Variants in BTC observed in about 807,000 individuals in gnomAD.
BTC encodes betacellulin.
A neutral mutation model predicts 18.1 loss-of-function variants in BTC; 13 were observed. That is an observed-to-expected ratio of 0.72 (90% CI 0.47 to 1.14). The LOEUF (loss-of-function observed/expected upper bound fraction) is 1.14, where lower values mean the gene tolerates loss of function less well. Among genes scored for constraint, BTC ranks in the 50% most tolerant of loss-of-function variants. BTC has a pLI of 0.00. For missense variants in BTC, 247 were observed against 224.2 expected (o/e 1.10, Z -0.65); for synonymous variants, 83 against 79.4 (o/e 1.05, Z -0.24).
At chr4:74,759,613 G>A (rs1724697203) in intron 2 of BTC, among the ~76,000 whole-genome samples, 1 of 137,020 alleles carries the variant, frequency 7.3e-6, no homozygotes, top group Admixed American at 7.1e-5. Flanking sequence ...TGGAGATAAA[G>A]TATAAATAAA....
chr4:74,773,968 A>T (rs1404289229), intron 1 of BTC, among the ~76,000 whole-genome samples: 1 of 147,640 alleles, frequency 6.8e-6, no homozygotes, highest in Non-Finnish European at 1.5e-5. Flanking sequence ...GATAATGCAG[A>T]AGTAATAGGA....
intron 1 of BTC, among the ~76,000 whole-genome samples, chr4:74,780,661 C>T (rs1170196754): frequency 6.6e-6 from 1 of 152,106 alleles, no homozygotes; most frequent in Non-Finnish European, 1.5e-5. Context: ...GTCCGTCATC[C>T]TTATTTTAAT....
chr4:74,766,069 ACAG>A (rs1295343764), intron 2 of BTC, among the ~76,000 whole-genome samples: 2 of 152,132 alleles, frequency 1.3e-5, no homozygotes, highest in Admixed American at 6.6e-5. Context: ...TAGAAAAAGT[ACAG>A]TAAAAATATG....
Position 74,750,638 on chromosome 4 carries a change from C to A in BTC, c.363G>T (p.Val121=), listed in dbSNP as rs201078718. 123 of 1,613,950 alleles carry A rather than the reference C, an allele frequency of 7.6e-5. No individual in the cohort carries two copies. The highest frequency in any genetic ancestry group is 9.9e-5 in the Non-Finnish European group (117 of 1,179,944). ...YLRGDRGQIL[V]ICLIAVMVVF... is the part of the protein sequence containing the mutation. ...CTACCATAACTGCTATCAAACAAAT[C>A]ACCAGAATCTGTCCTCTGTCTCCTC... Residue 121 remains valine, a synonymous_variant, in exon 4 of 6, where the codon GTG becomes GTT. Transcript: ENST00000395743.
rs368061851 is a variant in BTC at position 74,778,081 on chromosome 4, T to C, written c.65-7925A>G. Reference sequence around the variant, plus strand: ...AAAATAATGTTTAACACTGAGTTTGTGGTTAGCTGAGATGAAAACTGTGAA... The same window carrying C: ...AAAATAATGTTTAACACTGAGTTTGCGGTTAGCTGAGATGAAAACTGTGAA... On this transcript the variant is annotated intron_variant, in intron 1 of 5. Coordinates refer to ENST00000395743, the MANE Select transcript of BTC (RefSeq NM_001729.4). Among the ~76,000 whole-genome samples, 497 of 152,244 alleles carry C rather than the reference T, an allele frequency of 3.3e-3. 2 individuals carry two copies. The highest frequency in any genetic ancestry group is 0.011 in the African/African-American group (466 of 41,552).
chr4:74,750,828 C>T, intron 3 of BTC, 109 bp from the exon 4 acceptor site: 1 of 1,413,500 alleles, frequency 7.1e-7, no homozygotes, highest in South Asian at 1.3e-5. Context: ...TAATAAAGAA[C>T]ACAGTTCCCT....
At position 74,782,444 on chromosome 4, in the gene BTC, A is replaced by G. The variant is rs561185923; in HGVS notation, c.64+11818T>C. On this transcript the variant is annotated intron_variant, in intron 1 of 5. Transcript: ENST00000395743. ...CAAAGACATGATCTCATTCCTTTTT[A>G]TGGTTGCATAGTATTCCGTGTTGTA... Among the ~76,000 whole-genome samples, 4 of 152,082 alleles carry G rather than the reference A, an allele frequency of 2.6e-5. No individual in the cohort carries two copies. The East Asian group carries it at 5.8e-4, about 22-fold the overall frequency.
chr4:74,779,706 CA>C (rs1454527914), intron 1 of BTC, among the ~76,000 whole-genome samples: 3 of 152,150 alleles, frequency 2.0e-5, no homozygotes, highest in Admixed American at 6.5e-5. Flanking sequence ...AAACAGTCAT[CA>C]AACTTTAATA....
intron 1 of BTC, among the ~76,000 whole-genome samples, chr4:74,770,484 T>C (rs1358964058): frequency 6.6e-6 from 1 of 152,182 alleles, no homozygotes; most frequent in Non-Finnish European, 1.5e-5. Flanking sequence ...AAACTACTGA[T>C]GAATTTCCAG....
At chr4:74,756,100 C>T (rs1276534176) in intron 2 of BTC, 124 bp from the exon 3 acceptor site, 1 of 905,484 alleles carries the variant, frequency 1.1e-6, no homozygotes, top group South Asian at 1.4e-5. Flanking sequence ...ATTTTTCTTT[C>T]TCTCTGCACT....
chr4:74,753,655 T>C (rs1724520826), intron 3 of BTC, among the ~76,000 whole-genome samples: 1 of 152,144 alleles, frequency 6.6e-6, no homozygotes, highest in South Asian at 2.1e-4. Flanking sequence ...TTATCACCAA[T>C]GGCAAGAGAG....
chr4:74,747,209 T>C (rs1263117018), intron 5 of BTC, among the ~76,000 whole-genome samples: 1 of 152,210 alleles, frequency 6.6e-6, no homozygotes, highest in Non-Finnish European at 1.5e-5. Flanking sequence ...ATGTGCCTTC[T>C]TGGAGCCTTT....
chr4:74,775,313 T>G (rs1725148041), intron 1 of BTC, among the ~76,000 whole-genome samples: 1 of 151,950 alleles, frequency 6.6e-6, no homozygotes, highest in South Asian at 2.1e-4. Context: ...ATTCTGAAAA[T>G]CCAGTGAAAT....
At chr4:74,778,875 A>C (rs528944349) in intron 1 of BTC, among the ~76,000 whole-genome samples, 1 of 152,280 alleles carries the variant, frequency 6.6e-6, no homozygotes, top group South Asian at 2.1e-4. Context: ...GTGTCCCAAC[A>C]CAGTGAGCAA....
intron 1 of BTC, among the ~76,000 whole-genome samples, chr4:74,787,072 C>T (rs764092889): frequency 4.6e-5 from 7 of 151,654 alleles, no homozygotes; most frequent in Non-Finnish European, 8.8e-5. Context: ...ATTTTGAGGT[C>T]CTACTATGTG....
intron 1 of BTC, among the ~76,000 whole-genome samples, chr4:74,782,667 G>C (rs1275584218): frequency 2.6e-5 from 4 of 152,056 alleles, no homozygotes; most frequent in Non-Finnish European, 5.9e-5. Context: ...GTCTTTGAGG[G>C]ATAGCCACAC....
chr4:74,790,578 C>T (rs535251957), intron 1 of BTC, among the ~76,000 whole-genome samples: 8 of 152,240 alleles, frequency 5.3e-5, no homozygotes, highest in South Asian at 2.1e-4. Context: ...GACTATGAAG[C>T]GATGTCACCC....
intron 2 of BTC, among the ~76,000 whole-genome samples, chr4:74,762,268 A>G (rs1328153905): frequency 1.3e-5 from 2 of 152,202 alleles, no homozygotes; most frequent in African/African-American, 4.8e-5. Context: ...TAGGTTGGTG[A>G]TTAACAACAC....
chr4:74,755,961 G>A lies in BTC; in HGVS notation c.179C>T (p.Ser60Leu), dbSNP rs1553956669. Residue 60 changes from serine (S) to leucine (L), a missense_variant, in exon 3 of 6, where the codon TCA (serine) becomes TTA (leucine). Transcript: ENST00000395743. Reference protein sequence around the residue: ...EENCAATTTQSKRKGHFSRCP... With the variant: ...EENCAATTTQLKRKGHFSRCP... ...CCTAGAGAAGTGGCCTTTCCGCTTTGATTGTGTGGTGGTAGCTGGAAAATG... is the reference window on the plus strand; with the variant it reads ...CCTAGAGAAGTGGCCTTTCCGCTTTAATTGTGTGGTGGTAGCTGGAAAATG... 6.2e-7 allele frequency: 1 copy of A among 1,614,050 alleles called. No homozygotes were observed. The highest frequency in any genetic ancestry group is 8.5e-7 in the Non-Finnish European group (1 of 1,179,912).
Sources: allele counts gnomAD v4.1 joint callset (sites outside exome capture counted in the v4.1 genomes callset), GRCh38; gene constraint gnomAD v4.1.1; transcripts MANE v1.5; gene names NCBI Gene and HGNC (gene_info 2026-07-23, HGNC 2026-07-21).